Variants in EPG5 observed in about 807,000 individuals in gnomAD.
EPG5 encodes ectopic P granules protein 5 homolog.
A neutral mutation model predicts 302.7 loss-of-function variants in EPG5; 159 were observed. The ratio of observed to expected loss-of-function variants is 0.53; its 90% confidence interval spans 0.46 to 0.60. EPG5 has a LOEUF of 0.60. Among genes scored for constraint, EPG5 ranks in the 20% least tolerant of loss-of-function variants. EPG5 has a pLI of 0.00. For missense variants in EPG5, 2,896 were observed against 3,092.4 expected, an observed-to-expected ratio of 0.94 and a Z score of 1.51; for synonymous variants, 1,158 against 1,136.8, an observed-to-expected ratio of 1.02 and a Z score of -0.37.
intron 35 of EPG5, among the ~76,000 whole-genome samples, chr18:45,875,994 C>T (rs1044252181): frequency 1.3e-5 from 2 of 151,118 alleles, no homozygotes; most frequent in African/African-American, 4.9e-5. Context: ...GAGGCAGAGG[C>T]TGCAGTGAGC....
At position 45,913,734 on chromosome 18, in the gene EPG5, G is replaced by C; in HGVS notation, c.3788C>G (p.Ser1263Cys). ...RVIEGELVINSAFTPDQALKK... is the reference protein window; with the variant it reads ...RVIEGELVINCAFTPDQALKK... ...CAGAGCTTGGTCAGGGGTGAAAGCA[G>C]AGTTTATCACCAATTCCCCTTCAAT... The change falls in exon 21 of 44, where the codon TCT becomes TGT. Residue 1263 changes from serine (S) to cysteine (C), a missense_variant. By Grantham distance (112) the Ser-to-Cys change is moderately radical. Coordinates refer to ENST00000282041, the MANE Select transcript of EPG5 (RefSeq NM_020964.3). The C allele has an allele frequency of 6.2e-7, 1 of 1,614,136 alleles. No individual in the cohort carries two copies. Among genetic ancestry groups the C allele is most frequent in the Non-Finnish European group, 8.5e-7 (1 of 1,179,986 alleles).
chr18:45,852,597 TG>T lies in EPG5; in HGVS notation c.7609del (p.Gln2537ArgfsTer11). On this transcript the variant is annotated frameshift_variant, in exon 44 of 44. Transcript: ENST00000282041. LOFTEE classifies it high-confidence loss of function. ...MASSKQYVEY[Q>X]DQILQATQFI... Reference sequence around the variant, plus strand: ...TTGGGTGGCTTGCAATATTTGATCCTGGTATTCAACATACTGCTTACTTGAT... The same window carrying T: ...TTGGGTGGCTTGCAATATTTGATCCTGTATTCAACATACTGCTTACTTGAT... The T allele has an allele frequency of 6.2e-7, 1 of 1,614,198 alleles. No individual in the cohort carries two copies. The highest frequency in any genetic ancestry group is 8.5e-7 in the Non-Finnish European group (1 of 1,180,022).
Position 45,864,653 on chromosome 18 carries a change from G to C in EPG5, c.6766+962C>G, listed in dbSNP as rs545124291. 1.1e-4 allele frequency among the ~76,000 whole-genome samples: 16 copies of C among 152,170 alleles called. No individual in the cohort carries two copies. In the South Asian group the frequency reaches 2.1e-3, roughly 20 times the overall value. On this transcript the variant is annotated intron_variant, in intron 39 of 43. Transcript: ENST00000282041. ...GAACTTTGAGGCATGAGTTAAAGAT[G>C]CGTTTCTCCAAACAGGAGCTATGGT... is the stretch of plus-strand genomic sequence containing the variant.
In EPG5 at chr18:45,870,705, C is replaced by A. The variant is rs1599456103; in HGVS notation, c.6087G>T (p.Leu2029Phe). The A allele has an allele frequency of 6.2e-7, 1 of 1,608,970 alleles. No homozygotes were observed. Among genetic ancestry groups the A allele is most frequent in the Admixed American group, 1.7e-5 (1 of 59,688 alleles). Residue 2029 changes from leucine to phenylalanine, a missense_variant, in exon 36 of 44, where the codon TTG becomes TTT. Around this residue, in one of 5 missense-constraint regions of EPG5, gnomAD observed 620 missense variants for 704.2 expected, o/e 0.88. Transcript: ENST00000282041. Reference protein sequence around the residue: ...LLPGDAGALWLHLMHYCEACT... With the variant: ...LLPGDAGALWFHLMHYCEACT... ...ATGCTTCACAATAATGCATCAGGTG[C>A]AACCAAAGGGCTCCTGCATCACCTG...
intron 29 of EPG5, among the ~76,000 whole-genome samples, chr18:45,887,171 C>T (rs2049236304): frequency 6.6e-6 from 1 of 152,120 alleles, no homozygotes; most frequent in South Asian, 2.1e-4. Context: ...TATGATTACC[C>T]TTACCCTTAT....
the EPG5 span, among the ~76,000 whole-genome samples, chr18:45,833,713 G>A: frequency 1.3e-5 from 2 of 152,152 alleles, no homozygotes; most frequent in African/African-American, 4.8e-5. Flanking sequence ...GTTTACTGCT[G>A]TCATTATTGT....
In EPG5 at chr18:45,943,236, A is replaced by G; in HGVS notation, c.1868T>C (p.Leu623Pro). Residue 623 changes from leucine to proline, a missense_variant, in exon 9 of 44, where the codon CTT becomes CCT. Coordinates refer to ENST00000282041, the MANE Select transcript of EPG5 (RefSeq NM_020964.3). ...AAAGGTTTCTAACCCCACAGCCAGA[A>G]GTTCCACTAGTGAGTTGGCAAAGGC... is the stretch of plus-strand genomic sequence containing the variant. ...IFAFANSLVE[L>P]LAVGLETFNR... 6.2e-7 allele frequency: 1 copy of G among 1,614,204 alleles called. No individual in the cohort carries two copies. The highest frequency in any genetic ancestry group is 8.5e-7 in the Non-Finnish European group (1 of 1,180,024).
the EPG5 span, among the ~76,000 whole-genome samples, chr18:45,835,957 A>C: frequency 6.6e-6 from 1 of 152,216 alleles, no homozygotes; most frequent in African/African-American, 2.4e-5. Context: ...AAGACCCTGC[A>C]CGGGGCCATC....
At position 45,903,946 on chromosome 18, in the gene EPG5, G is replaced by A. The variant is rs571154721; in HGVS notation, c.4474+27C>T. On this transcript the variant is annotated intron_variant, in intron 25 of 43. Transcript: ENST00000282041. ...GATTCAATCATTCATTCACTCATTC[G>A]AAGGGGCAGGTGCTCCCAGGACCCA... 4.2e-5 allele frequency: 66 copies of A among 1,580,710 alleles called. 1 individual carries two copies. The South Asian group carries it at 5.8e-4, about 14-fold the overall frequency.
chr18:45,905,181 G>A (rs992737680), intron 24 of EPG5, among the ~76,000 whole-genome samples: 9 of 152,168 alleles, frequency 5.9e-5, no homozygotes, highest in African/African-American at 1.4e-4. Flanking sequence ...CTACACTTTA[G>A]AATGGGGGAC....
chr18:45,957,046 A>G (rs1303281459), intron 1 of EPG5, among the ~76,000 whole-genome samples: 1 of 152,116 alleles, frequency 6.6e-6, no homozygotes, highest in Non-Finnish European at 1.5e-5. Flanking sequence ...AACCTCATTG[A>G]AATCACTCAA....
the EPG5 span, among the ~76,000 whole-genome samples, chr18:45,811,484 T>C: frequency 1.3e-5 from 2 of 152,150 alleles, no homozygotes; most frequent in Non-Finnish European, 2.9e-5. Context: ...TTTAGACCAA[T>C]ATCCCTGATG....
At chr18:45,858,112 T>C in intron 41 of EPG5, 44 bp from the exon 42 acceptor site, 1 of 1,474,354 alleles carries the variant, frequency 6.8e-7, no homozygotes, top group Non-Finnish European at 9.4e-7. Context: ...AGTAAATTTT[T>C]CCCACTCCCA....
At chr18:45,945,809 C>A (rs2050775220) in intron 7 of EPG5, among the ~76,000 whole-genome samples, 1 of 152,176 alleles carries the variant, frequency 6.6e-6, no homozygotes, top group African/African-American at 2.4e-5. Context: ...CACCTGACCA[C>A]CTCCTCCTGC....
intron 29 of EPG5, among the ~76,000 whole-genome samples, chr18:45,886,356 G>C (rs2049216929): frequency 6.6e-6 from 1 of 152,144 alleles, no homozygotes; most frequent in Non-Finnish European, 1.5e-5. Context: ...GCACTATACA[G>C]ACATGCAATG....
the EPG5 span, among the ~76,000 whole-genome samples, chr18:45,826,466 G>C: frequency 6.6e-6 from 1 of 152,186 alleles, no homozygotes; most frequent in African/African-American, 2.4e-5. Flanking sequence ...TGCAGAATCA[G>C]AGTATCAGGC....
intron 43 of EPG5, 102 bp downstream of exon 43, chr18:45,855,471 C>T: frequency 2.6e-6 from 2 of 767,856 alleles, no homozygotes; most frequent in Non-Finnish European, 4.4e-6. Context: ...GCTACCACCA[C>T]AGAGCATCAT....
chr18:45,864,739 AG>A (rs2048710187), intron 39 of EPG5, among the ~76,000 whole-genome samples: 1 of 152,172 alleles, frequency 6.6e-6, no homozygotes, highest in Non-Finnish European at 1.5e-5. Context: ...TCTTAGATTG[AG>A]GTTGTTGTTA....
chr18:45,890,883 G>T (rs1272217750), intron 27 of EPG5, among the ~76,000 whole-genome samples: 1 of 152,132 alleles, frequency 6.6e-6, no homozygotes, highest in Non-Finnish European at 1.5e-5. Context: ...TCAGACTGGG[G>T]AGCTGAGAGA....
Sources: allele counts gnomAD v4.1 joint callset (sites outside exome capture counted in the v4.1 genomes callset), GRCh38; gene constraint gnomAD v4.1.1; regional missense constraint gnomAD v4.1.1; transcripts MANE v1.5; gene names NCBI Gene and HGNC (gene_info 2026-07-23, HGNC 2026-07-21).